The following CCDC73 variants were observed in gnomAD, a reference collection of about 807,000 sequenced individuals.
CCDC73 encodes coiled-coil domain-containing protein 73.
In CCDC73, 95 loss-of-function variants were observed where a neutral mutation model predicts 116.5. That is an observed-to-expected ratio of 0.82 (90% confidence interval 0.69 to 0.97). The LOEUF is 0.97. Among genes scored for constraint, CCDC73 ranks in the 50% least tolerant of loss-of-function variants. The pLI is 0.00. For synonymous variants in CCDC73, 398 were observed against 401.3 expected (o/e 0.99, Z 0.10); for missense variants, 1,066 against 1,206.8 (o/e 0.88, Z 1.73).
chr11:32,649,946 A>AAAAG (rs1855812019), intron 12 of CCDC73, among the ~76,000 whole-genome samples: 1 of 152,220 alleles, frequency 6.6e-6, no homozygotes, highest in Non-Finnish European at 1.5e-5. Context: ...GCTTCTCTAT[A>AAAAG]TACTATCAAG....
chr11:32,727,682 C>T (rs767585730), intron 2 of CCDC73, among the ~76,000 whole-genome samples: 3 of 152,140 alleles, frequency 2.0e-5, no homozygotes, highest in African/African-American at 4.8e-5. Flanking sequence ...AAGCAATTCC[C>T]TGCCTCAGCC....
At position 32,720,197 on chromosome 11, in the gene CCDC73, G is replaced by A. The variant is rs116442501; in HGVS notation, c.136-2050C>T. Among the ~76,000 whole-genome samples, 1,087 of 152,194 alleles carry A rather than the reference G, an allele frequency of 7.1e-3. 17 individuals carry two copies. Among genetic ancestry groups the A allele is most frequent in the African/African-American group, 0.025 (1,048 of 41,558 alleles). On this transcript the variant is annotated intron_variant, in intron 2 of 17. Transcript: ENST00000335185. ...ATATAATTTAAAAATTATATGAGTG[G>A]AATTTATTGCAGGTATGCAAAGCTG...
intron 12 of CCDC73, among the ~76,000 whole-genome samples, chr11:32,645,291 CT>C (rs397689348): frequency 0.1 from 12,457 of 120,728 alleles, 415 homozygotes; most frequent in Non-Finnish European, 0.15. Flanking sequence ...TTTTCTTTTT[CT>C]TTTTTTTTTT....
rs34982926 is a variant in CCDC73, at chr11:32,754,878, C to CTT, written c.135+5229_135+5230dup. ...CAGAGTACACAGAAGATGGCTTCAA[C>CTT]TTTTTTTTTTTTTTTTTTTTTTTTT... is the stretch of plus-strand genomic sequence containing the variant. On this transcript the variant is annotated intron_variant, in intron 2 of 17. Transcript: ENST00000335185. 3.5e-3 allele frequency among the ~76,000 whole-genome samples: 305 copies of CTT among 86,526 alleles called. 6 individuals are homozygous for CTT. The highest frequency in any genetic ancestry group is 5.7e-3 in the South Asian group (10 of 1,760). The allele number at this position is 86,526 out of a possible 152,430, so 56.8% of individuals were successfully genotyped here.
intron 7 of CCDC73, among the ~76,000 whole-genome samples, chr11:32,677,744 G>A (rs1257509967): frequency 6.6e-6 from 1 of 151,474 alleles, no homozygotes; most frequent in Admixed American, 6.6e-5. Flanking sequence ...ACAAGGTCAG[G>A]AGTTCGTGAC....
chr11:32,625,123 A>C (rs1458858282), intron 14 of CCDC73, among the ~76,000 whole-genome samples: 2 of 151,940 alleles, frequency 1.3e-5, no homozygotes, highest in African/African-American at 2.4e-5. Flanking sequence ...TTTGTTTTCC[A>C]TTGGCTTGGT....
chr11:32,804,731 T>C, the CCDC73 span, among the ~76,000 whole-genome samples: 1 of 152,210 alleles, frequency 6.6e-6, no homozygotes, highest in Non-Finnish European at 1.5e-5. Flanking sequence ...TAGTCTCTAA[T>C]GTAAAAACAA....
intron 14 of CCDC73, among the ~76,000 whole-genome samples, chr11:32,627,481 A>G (rs940276747): frequency 2.0e-5 from 3 of 152,252 alleles, no homozygotes; most frequent in Non-Finnish European, 4.4e-5. Flanking sequence ...TATATACCCA[A>G]AGGATTATAA....
At chr11:32,617,675 T>C (rs1855486847) in intron 14 of CCDC73, among the ~76,000 whole-genome samples, 1 of 152,178 alleles carries the variant, frequency 6.6e-6, no homozygotes, top group South Asian at 2.1e-4. Context: ...AGGGAGAAGG[T>C]GAGTCAAGAT....
intron 2 of CCDC73, among the ~76,000 whole-genome samples, chr11:32,749,864 CTTTTTTTTTTTTCT>C (rs1850271736): frequency 2.8e-5 from 4 of 141,040 alleles, no homozygotes; most frequent in Non-Finnish European, 6.1e-5. Context: ...TCTCCTCTTA[CTTTTTTTTTTTTCT>C]TTTTTTTTTT....
chr11:32,814,404 G>C, the CCDC73 span, among the ~76,000 whole-genome samples: 70 of 152,258 alleles, frequency 4.6e-4, no homozygotes, highest in African/African-American at 1.4e-3. Flanking sequence ...ATCACCCTCA[G>C]ATTATTTAAA....
the CCDC73 span, among the ~76,000 whole-genome samples, chr11:32,829,279 G>A: frequency 1.3e-5 from 2 of 152,176 alleles, no homozygotes; most frequent in Non-Finnish European, 2.9e-5. Context: ...TTAGGAGACA[G>A]AATGATGACG....
chr11:32,626,721 G>A (rs572478259), intron 14 of CCDC73, among the ~76,000 whole-genome samples: 2 of 152,224 alleles, frequency 1.3e-5, no homozygotes, highest in Admixed American at 6.5e-5. Flanking sequence ...AAAGAAATGG[G>A]GAAAGGATTC....
chr11:32,746,519 G>A (rs1850241114), intron 2 of CCDC73, among the ~76,000 whole-genome samples: 1 of 152,172 alleles, frequency 6.6e-6, no homozygotes, highest in African/African-American at 2.4e-5. Flanking sequence ...CCTGAAGAGT[G>A]TTTTCTAACT....
At chr11:32,731,879 C>T (rs1014414311) in intron 2 of CCDC73, among the ~76,000 whole-genome samples, 10 of 152,198 alleles carry the variant, frequency 6.6e-5, no homozygotes, top group Admixed American at 5.9e-4. Context: ...AAAGCAGCTC[C>T]TCGCCAGCAA....
At chr11:32,657,028 G>T (rs538931529) in intron 9 of CCDC73, among the ~76,000 whole-genome samples, 1 of 152,180 alleles carries the variant, frequency 6.6e-6, no homozygotes, top group East Asian at 1.9e-4. Flanking sequence ...AGTTATTAGA[G>T]GATAGAAAAT....
At chr11:32,801,805 C>G in the CCDC73 span, among the ~76,000 whole-genome samples, 1 of 152,030 alleles carries the variant, frequency 6.6e-6, no homozygotes, top group African/African-American at 2.4e-5. Flanking sequence ...ATGGAAAAGT[C>G]AAAAGGGCAA....
In CCDC73 at chr11:32,703,490, A is replaced by G. The variant is rs908720880; in HGVS notation, c.208-546T>C. 2.0e-5 allele frequency among the ~76,000 whole-genome samples: 3 copies of G among 152,192 alleles called. No homozygotes were observed. In the East Asian group the frequency reaches 5.8e-4, roughly 29 times the overall value. On this transcript the variant is annotated intron_variant, in intron 3 of 17. Coordinates refer to ENST00000335185, the MANE Select transcript of CCDC73 (RefSeq NM_001008391.4). ...AAAACATTGCTTCTAAAACTTTTAA[A>G]CTTTGGATATTATTTGCTCCAAATC...
chr11:32,696,638 G>A (rs1037429222), intron 6 of CCDC73, among the ~76,000 whole-genome samples: 2 of 151,980 alleles, frequency 1.3e-5, no homozygotes, highest in African/African-American at 4.8e-5. Context: ...GTTTTGCCAC[G>A]TTGCCCAGGC....
Sources: gnomAD v4.1 joint callset for allele counts (sites outside exome capture counted in the v4.1 genomes callset) on GRCh38, gnomAD v4.1.1 for gene constraint, MANE v1.5 for transcripts, NCBI Gene and HGNC (gene_info 2026-07-23, HGNC 2026-07-21) for gene names.